GRHL2: variants seen among roughly 807,000 people sequenced by gnomAD.
GRHL2 encodes the protein grainyhead like transcription factor 2.
A neutral mutation model predicts 83.8 loss-of-function variants in GRHL2; 21 were observed. That is an observed-to-expected ratio of 0.25 (90% confidence interval 0.18 to 0.36). The LOEUF is 0.36. Ranked by LOEUF, GRHL2 falls within the 10% of genes least tolerant of loss-of-function variation. The pLI, the probability that GRHL2 is intolerant of heterozygous loss-of-function variation, is 1.00. For missense variants in GRHL2, 623 were observed against 781.8 expected (o/e 0.80, Z 2.42); for synonymous variants, 280 against 278.9 (o/e 1.00, Z -0.04).
At chr8:101,541,880 C>T (rs1281074261) in intron 1 of GRHL2, among the ~76,000 whole-genome samples, 3 of 152,160 alleles carry the variant, frequency 2.0e-5, no homozygotes, top group East Asian at 1.9e-4. Context: ...TTGACTCCCA[C>T]CCATTTCTGT....
At chr8:101,675,353 C>T in the GRHL2 span, among the ~76,000 whole-genome samples, 1 of 152,108 alleles carries the variant, frequency 6.6e-6, no homozygotes, top group Admixed American at 6.5e-5. Flanking sequence ...TGAGCAACCT[C>T]AGCAAAGTCT....
intron 7 of GRHL2, among the ~76,000 whole-genome samples, chr8:101,587,897 T>C (rs1812200934): frequency 6.6e-6 from 1 of 152,226 alleles, no homozygotes; most frequent in Admixed American, 6.5e-5. Context: ...CTTTGTAACA[T>C]CCACAAGAGT....
intron 1 of GRHL2, among the ~76,000 whole-genome samples, chr8:101,513,930 A>G (rs1309217981): frequency 6.6e-6 from 1 of 152,164 alleles, no homozygotes; most frequent in Non-Finnish European, 1.5e-5. Flanking sequence ...GGCCCATGAA[A>G]GTCCTTGACT....
chr8:101,492,895 T>C, intron 1 of GRHL2, 106 bp downstream of exon 1: 1 of 1,036,854 alleles, frequency 9.6e-7, no homozygotes, highest in South Asian at 1.3e-5. Context: ...GGTATTTTTC[T>C]TTCTTTTTTC....
At chr8:101,511,453 A>C (rs1453000269) in intron 1 of GRHL2, among the ~76,000 whole-genome samples, 1 of 152,090 alleles carries the variant, frequency 6.6e-6, no homozygotes, top group African/African-American at 2.4e-5. Flanking sequence ...GTGATTCCTC[A>C]AGCGACGCCT....
chr8:101,551,929 A>G (rs372632538), intron 2 of GRHL2, among the ~76,000 whole-genome samples: 21 of 150,186 alleles, frequency 1.4e-4, no homozygotes, highest in East Asian at 5.9e-4. Flanking sequence ...TCCGCCTCCC[A>G]GGTTCACGCC....
At chr8:101,597,283 ATCTCTG>A (rs1420186991) in intron 7 of GRHL2, among the ~76,000 whole-genome samples, 1 of 152,216 alleles carries the variant, frequency 6.6e-6, no homozygotes, top group Non-Finnish European at 1.5e-5. Context: ...TGAAGGGTCC[ATCTCTG>A]GGATGGGAGA....
intron 1 of GRHL2, among the ~76,000 whole-genome samples, chr8:101,515,176 G>GCACACACA (rs4002325): frequency 0.092 from 13,286 of 144,396 alleles, 906 homozygotes; most frequent in African/African-American, 0.18. Context: ...CTGTCTCTCT[G>GCACACACA]CACACACACA....
chr8:101,642,990 A>G (rs1813432416), intron 12 of GRHL2, among the ~76,000 whole-genome samples: 1 of 152,202 alleles, frequency 6.6e-6, no homozygotes, highest in African/African-American at 2.4e-5. Flanking sequence ...ATTGTAAGGC[A>G]GGGATTTAAA....
chr8:101,615,682 A>G (rs1812839654), intron 8 of GRHL2, among the ~76,000 whole-genome samples: 1 of 152,146 alleles, frequency 6.6e-6, no homozygotes, highest in South Asian at 2.1e-4. Context: ...GTTCCCTGAA[A>G]ATTATACTTT....
At chr8:101,569,999 A>G (rs1195586931) in intron 4 of GRHL2, among the ~76,000 whole-genome samples, 5 of 152,150 alleles carry the variant, frequency 3.3e-5, no homozygotes, top group Non-Finnish European at 7.3e-5. Flanking sequence ...GTTACTTCAG[A>G]ATTTATGACA....
At chr8:101,495,026 T>G (rs1810066850) in intron 1 of GRHL2, among the ~76,000 whole-genome samples, 1 of 152,246 alleles carries the variant, frequency 6.6e-6, no homozygotes, top group Non-Finnish European at 1.5e-5. Context: ...TTCTGGATCA[T>G]TTTTGCGAAT....
intron 4 of GRHL2, chr8:101,562,460 G>T: frequency 2.5e-6 from 1 of 402,164 alleles, no homozygotes; most frequent in East Asian, 5.4e-5. Context: ...GATGGGCCCT[G>T]AACAAATATA....
intron 9 of GRHL2, among the ~76,000 whole-genome samples, chr8:101,621,280 G>A (rs1220290718): frequency 1.3e-5 from 2 of 152,140 alleles, no homozygotes; most frequent in African/African-American, 4.8e-5. Flanking sequence ...GGTGAAAACT[G>A]TAGCCTAACA....
intron 11 of GRHL2, among the ~76,000 whole-genome samples, chr8:101,634,690 G>A (rs1184629222): frequency 6.6e-6 from 1 of 152,190 alleles, no homozygotes; most frequent in East Asian, 1.9e-4. Flanking sequence ...TGGCCAGTGA[G>A]GCACCCTCAA....
chr8:101,629,468 G>A (rs1813143025), intron 9 of GRHL2, among the ~76,000 whole-genome samples: 1 of 151,726 alleles, frequency 6.6e-6, no homozygotes. Context: ...GTTTTTTTAT[G>A]GGGGTCTGGA....
intron 1 of GRHL2, among the ~76,000 whole-genome samples, chr8:101,534,840 G>T (rs1181672846): frequency 6.6e-6 from 1 of 152,186 alleles, no homozygotes; most frequent in Non-Finnish European, 1.5e-5. Context: ...GACAGGAAAG[G>T]CTGAGGGCAG....
chr8:101,517,777 A>G (rs1195707685), intron 1 of GRHL2, among the ~76,000 whole-genome samples: 5 of 152,234 alleles, frequency 3.3e-5, no homozygotes. Flanking sequence ...TTAAGCAGCT[A>G]TAGTTCCTAG....
intron 7 of GRHL2, among the ~76,000 whole-genome samples, chr8:101,583,304 T>C (rs1417626710): frequency 1.3e-5 from 2 of 152,158 alleles, no homozygotes; most frequent in Non-Finnish European, 2.9e-5. Context: ...AAGACTGGGA[T>C]TGAAGGCATG....
Sources: gnomAD v4.1 joint callset for allele counts (sites outside exome capture counted in the v4.1 genomes callset) on GRCh38, gnomAD v4.1.1 for gene constraint, MANE v1.5 for transcripts, NCBI Gene and HGNC (gene_info 2026-07-23, HGNC 2026-07-21) for gene names.